PROM1: variants seen among roughly 807,000 people sequenced by gnomAD.
PROM1 encodes prominin 1.
PROM1 carries 105 observed loss-of-function variants against 116.9 expected under a neutral mutation model. That is an observed-to-expected ratio of 0.90 (90% CI 0.77 to 1.06). PROM1 has a LOEUF of 1.06. Among genes scored for constraint, PROM1 ranks in the 50% least tolerant of loss-of-function variants. The pLI, the probability that PROM1 is intolerant of heterozygous loss-of-function variation, is 0.00. For missense variants in PROM1, 1,122 were observed against 1,045.2 expected (o/e 1.07, Z -1.01); for synonymous variants, 393 against 387.0 (o/e 1.02, Z -0.18).
rs143924745 is a variant in PROM1 at position 16,049,065 on chromosome 4, G to A, written c.221-10064C>T. ...CCGACAGTGCGATGGGCCATGGGCC[G>A]GGTTCCTGTGCTGCCGCCCCTGGAG... On this transcript the variant is annotated intron_variant, in intron 2 of 27. Transcript: ENST00000447510. Among the ~76,000 whole-genome samples the A allele has an allele frequency of 1.8e-3, 275 of 152,314 alleles. 1 individual carries two copies. The highest frequency in any genetic ancestry group is 3.0e-3 in the Non-Finnish European group (201 of 68,024).
chr4:16,000,548 G>A lies in PROM1; in HGVS notation c.1526C>T (p.Ala509Val). The change falls in exon 14 of 28, where the codon GCA (alanine) becomes GTA (valine). Residue 509 changes from alanine to valine, a missense_variant. By Grantham distance (64) the Ala-to-Val change is moderately conservative. Transcript: ENST00000447510. ...TTCACAGATCAGTTTTTCCACATTT[G>A]CACCAAAGACAAAGGTAAGAACCAC... ...IIVVLTFVFG[A>V]NVEKLICEPY... 1 of 1,591,844 alleles carries A rather than the reference G, an allele frequency of 6.3e-7. No homozygotes were observed. The highest frequency in any genetic ancestry group is 8.6e-7 in the Non-Finnish European group (1 of 1,160,604).
At chr4:15,999,340 G>A (rs531303693) in intron 14 of PROM1, among the ~76,000 whole-genome samples, 8 of 151,988 alleles carry the variant, frequency 5.3e-5, no homozygotes, top group Admixed American at 1.3e-4. Flanking sequence ...GCGTGGTGGC[G>A]GGCACCTGTA....
intron 26 of PROM1, among the ~76,000 whole-genome samples, chr4:15,973,553 G>A (rs528652838): frequency 2.0e-4 from 30 of 152,230 alleles, no homozygotes; most frequent in African/African-American, 6.7e-4. Context: ...GGGCCCCCAT[G>A]GTGTTTTTTT....
At chr4:16,046,673 T>C (rs1016277711) in intron 2 of PROM1, among the ~76,000 whole-genome samples, 5 of 152,218 alleles carry the variant, frequency 3.3e-5, no homozygotes, top group Non-Finnish European at 5.9e-5. Flanking sequence ...GACATACAAA[T>C]ACACATGCAT....
At chr4:16,016,558 C>A (rs1451882389) in intron 9 of PROM1, among the ~76,000 whole-genome samples, 2 of 152,062 alleles carry the variant, frequency 1.3e-5, no homozygotes, top group African/African-American at 4.8e-5. Flanking sequence ...TTGTAAACAA[C>A]CTTTTTAAAG....
chr4:16,067,652 C>T (rs146038427), intron 2 of PROM1, among the ~76,000 whole-genome samples: 2 of 152,296 alleles, frequency 1.3e-5, no homozygotes, highest in Non-Finnish European at 2.9e-5. Flanking sequence ...CAGCATGAGT[C>T]ACATGTTCTA....
chr4:16,003,724 G>A (rs1724476672), intron 13 of PROM1, among the ~76,000 whole-genome samples: 1 of 152,194 alleles, frequency 6.6e-6, no homozygotes, highest in African/African-American at 2.4e-5. Flanking sequence ...GCTGAGGTCG[G>A]AGGATCTCTT....
At chr4:16,042,749 A>G (rs1735633149) in intron 2 of PROM1, among the ~76,000 whole-genome samples, 1 of 152,228 alleles carries the variant, frequency 6.6e-6, no homozygotes, top group Non-Finnish European at 1.5e-5. Flanking sequence ...TTAAAGAAAA[A>G]TATCCACAAT....
chr4:16,042,305 A>G (rs1349564526), intron 2 of PROM1, among the ~76,000 whole-genome samples: 1 of 152,206 alleles, frequency 6.6e-6, no homozygotes, highest in African/African-American at 2.4e-5. Flanking sequence ...ATATTAAAGA[A>G]TTTTTGATAC....
chr4:16,018,011 T>TA (rs201687641), intron 9 of PROM1, among the ~76,000 whole-genome samples: 892 of 29,950 alleles, frequency 0.03, 31 homozygotes, highest in Admixed American at 0.12. Flanking sequence ...GGCACATATT[T>TA]AAAAATTTTT....
At position 16,000,563 on chromosome 4, in the gene PROM1, G is replaced by T; in HGVS notation, c.1511C>A (p.Thr504Asn). The change falls in exon 14 of 28, where the codon ACC becomes AAC. Residue 504 changes from threonine (T) to asparagine (N), a missense_variant. Physicochemically the swap from Thr to Asn is moderately conservative, Grantham distance 65. Transcript: ENST00000447510. ...CWILMIIVVL[T>N]FVFGANVEKL... ...TTCCACATTTGCACCAAAGACAAAGGTAAGAACCACAATGATCATCAATAT... is the reference window on the plus strand; with the variant it reads ...TTCCACATTTGCACCAAAGACAAAGTTAAGAACCACAATGATCATCAATAT... 1 of 1,590,034 alleles carries T rather than the reference G, an allele frequency of 6.3e-7. No individual in the cohort carries two copies. Among genetic ancestry groups the T allele is most frequent in the East Asian group, 2.2e-5 (1 of 44,730 alleles).
At chr4:16,029,604 T>C (rs768776216) in intron 5 of PROM1, among the ~76,000 whole-genome samples, 4 of 152,222 alleles carry the variant, frequency 2.6e-5, no homozygotes, top group Non-Finnish European at 4.4e-5. Flanking sequence ...CATGCCCACG[T>C]AGATTGCACA....
intron 2 of PROM1, among the ~76,000 whole-genome samples, chr4:16,075,104 A>C (rs950505370): frequency 4.6e-5 from 7 of 152,234 alleles, no homozygotes; most frequent in Non-Finnish European, 1.0e-4. Context: ...AATGACAAAC[A>C]GCACTGTGTG....
intron 2 of PROM1, among the ~76,000 whole-genome samples, chr4:16,050,089 C>T (rs1432085267): frequency 2.0e-5 from 3 of 151,860 alleles, no homozygotes; most frequent in Non-Finnish European, 2.9e-5. Flanking sequence ...GGTTAAACCC[C>T]GTCTCTACTA....
chr4:15,987,609 T>G, intron 20 of PROM1, 54 bp downstream of exon 20: 1 of 1,529,164 alleles, frequency 6.5e-7, no homozygotes. Context: ...CTAGCATTCT[T>G]TGTGTGGTAT....
rs755207090 is a variant in PROM1, at chr4:15,987,666, C to G, written c.2127G>C (p.Leu709Phe). ...AGAAAACAAAGTAAACCCTTACCAA[C>G]AATCCATTCCCTGTGCGTTGAAGTA... Reference protein sequence around the residue: ...VKILQRTGNGLLERVTRILAS... With the variant: ...VKILQRTGNGFLERVTRILAS... The change falls in exon 20 of 28, where the codon TTG becomes TTC. Residue 709 changes from leucine (L) to phenylalanine (F), a missense_variant. Leu to Phe is a conservative substitution (Grantham distance 22). Coordinates refer to ENST00000447510, the MANE Select transcript of PROM1 (RefSeq NM_006017.3). 3 of 1,610,272 alleles carry G rather than the reference C, an allele frequency of 1.9e-6. No individual in the cohort carries two copies. In the South Asian group the frequency reaches 3.3e-5, roughly 18 times the overall value.
chr4:15,980,605 G>T, intron 23 of PROM1, 68 bp from the exon 24 acceptor site: 4 of 745,218 alleles, frequency 5.4e-6, no homozygotes, highest in Non-Finnish European at 7.7e-6. Flanking sequence ...TTGTTTGGGG[G>T]ATTTTTTTTT....
At chr4:16,022,942 C>T (rs2240681) in intron 8 of PROM1, among the ~76,000 whole-genome samples, 123,105 of 152,116 alleles carry the variant, frequency 0.81, 50,026 homozygotes, top group Non-Finnish European at 0.84. Context: ...GCCAGATAGA[C>T]GGTAAATATT....
Position 16,047,156 on chromosome 4 carries a change from T to C in PROM1, c.221-8155A>G, listed in dbSNP as rs56981596. 8.2e-3 allele frequency among the ~76,000 whole-genome samples: 1,249 copies of C among 152,254 alleles called. 34 individuals are homozygous for C. Among genetic ancestry groups the C allele is most frequent in the East Asian group, 0.05 (262 of 5,192 alleles). On this transcript the variant is annotated intron_variant, in intron 2 of 27. Transcript: ENST00000447510. ...CTCAGGAAACCTCAGTTTTTCCTCT[T>C]GAGGCCTTTCAACTGATTGGATGAG...
Sources: allele counts gnomAD v4.1 joint callset (sites outside exome capture counted in the v4.1 genomes callset), GRCh38; gene constraint gnomAD v4.1.1; transcripts MANE v1.5; gene names NCBI Gene and HGNC (gene_info 2026-07-23, HGNC 2026-07-21).